Variants in UBAC2 observed in about 807,000 individuals in gnomAD.
The protein encoded by UBAC2 is UBA domain containing 2, also known as ubiquitin-associated domain-containing protein 2.
A neutral mutation model predicts 44.0 loss-of-function variants in UBAC2; 26 were observed. That is an observed-to-expected ratio of 0.59 (90% CI 0.43 to 0.82). The LOEUF is 0.82. UBAC2 is among the 40% of genes least tolerant of loss of function. The probability of loss-of-function intolerance (pLI) is 0.00; values close to 1 mark genes in which losing one functional copy is unlikely to be tolerated. For missense variants in UBAC2, 329 were observed against 419.4 expected, an observed-to-expected ratio of 0.78 and a Z score of 1.88; for synonymous variants, 155 against 154.3, an observed-to-expected ratio of 1.00 and a Z score of -0.04.
intron 1 of UBAC2, chr13:99,215,314 C>T: frequency 1.3e-6 from 1 of 795,258 alleles, no homozygotes; most frequent in Admixed American, 1.7e-5. Flanking sequence ...GCATCACCAA[C>T]ACTGGACAGC....
At chr13:99,384,699 G>GGTCGAGCATGGCAGTGAC (rs1850086601) in intron 8 of UBAC2, among the ~76,000 whole-genome samples, 1 of 152,288 alleles carries the variant, frequency 6.6e-6, no homozygotes, top group Admixed American at 6.5e-5. Flanking sequence ...GCGATGCCAG[G>GGTCGAGCATGGCAGTGAC]GCCGAGCATG....
At chr13:99,319,035 C>T (rs978884338) in intron 6 of UBAC2, among the ~76,000 whole-genome samples, 1 of 151,520 alleles carries the variant, frequency 6.6e-6, no homozygotes, top group African/African-American at 2.4e-5. Context: ...CATTGTCACA[C>T]GAGGGAAAAA....
intron 5 of UBAC2, among the ~76,000 whole-genome samples, chr13:99,315,179 C>T (rs2044471744): frequency 6.6e-6 from 1 of 152,286 alleles, no homozygotes; most frequent in East Asian, 1.9e-4. Flanking sequence ...TTCTCCATCT[C>T]TCAACCCCCG....
At chr13:99,292,973 G>A (rs1170045763) in intron 4 of UBAC2, among the ~76,000 whole-genome samples, 2 of 152,182 alleles carry the variant, frequency 1.3e-5, no homozygotes, top group Non-Finnish European at 2.9e-5. Flanking sequence ...GGAAATAAAT[G>A]TAAAGCTAAC....
At chr13:99,287,372 A>G (rs185399916) in intron 4 of UBAC2, among the ~76,000 whole-genome samples, 198 of 152,166 alleles carry the variant, frequency 1.3e-3, no homozygotes, top group Non-Finnish European at 2.1e-3. Flanking sequence ...CTCTTGTCAC[A>G]TGTGTATCAG....
At chr13:99,333,096 TG>T (rs5806108) in intron 6 of UBAC2, among the ~76,000 whole-genome samples, 2 of 151,634 alleles carry the variant, frequency 1.3e-5, no homozygotes, top group East Asian at 1.9e-4. Context: ...ACCCCGTCTC[TG>T]GGGGGGGAAG....
chr13:99,202,414 G>A (rs2042815532), intron 1 of UBAC2, among the ~76,000 whole-genome samples: 1 of 152,212 alleles, frequency 6.6e-6, no homozygotes, highest in African/African-American at 2.4e-5. Context: ...GGATCACACA[G>A]TGAGCCAGGA....
rs768570401 is a variant in UBAC2 at position 99,352,862 on chromosome 13, G to A, written c.807+12297G>A. Among the ~76,000 whole-genome samples, 3 of 152,212 alleles carry A rather than the reference G, an allele frequency of 2.0e-5. No homozygotes were observed. In the East Asian group the frequency reaches 5.8e-4, roughly 29 times the overall value. On this transcript the variant is annotated intron_variant, in intron 7 of 8. Coordinates refer to ENST00000403766, the MANE Select transcript of UBAC2 (RefSeq NM_001144072.2). Reference sequence around the variant, plus strand: ...AATTGTGTCTGGAGGCAGCACCGTCGGAAACTCTCTACCTCCGTCTCCACC... The same window carrying A: ...AATTGTGTCTGGAGGCAGCACCGTCAGAAACTCTCTACCTCCGTCTCCACC...
At chr13:99,244,053 TC>T (rs2043351626) in intron 3 of UBAC2, 102 bp downstream of exon 3, 3 of 978,066 alleles carry the variant, frequency 3.1e-6, no homozygotes, top group Non-Finnish European at 2.9e-6. Flanking sequence ...TTTACAGTTA[TC>T]TTTTTAATTA....
At chr13:99,338,319 A>C (rs1594142047) in intron 6 of UBAC2, among the ~76,000 whole-genome samples, 1 of 151,916 alleles carries the variant, frequency 6.6e-6, no homozygotes, top group East Asian at 1.9e-4. Context: ...TGGCCTCCCA[A>C]AGTGCAGGGA....
intron 1 of UBAC2, among the ~76,000 whole-genome samples, chr13:99,230,929 G>C (rs1389234730): frequency 6.6e-6 from 1 of 152,058 alleles, no homozygotes. Flanking sequence ...CGTGCCTGTA[G>C]TCCCAGCTAC....
chr13:99,310,064 C>T (rs915038620), intron 4 of UBAC2, among the ~76,000 whole-genome samples: 11 of 152,328 alleles, frequency 7.2e-5, no homozygotes, highest in South Asian at 2.1e-4. Context: ...CAATGGCTCA[C>T]GCCTGTAATC....
intron 4 of UBAC2, among the ~76,000 whole-genome samples, chr13:99,291,386 G>C (rs1422087675): frequency 6.6e-6 from 1 of 152,094 alleles, no homozygotes; most frequent in African/African-American, 2.4e-5. Context: ...TTGTCACCGG[G>C]TCACTTGTAA....
intron 4 of UBAC2, among the ~76,000 whole-genome samples, chr13:99,265,068 T>C (rs1594068196): frequency 6.6e-6 from 1 of 152,126 alleles, no homozygotes; most frequent in Non-Finnish European, 1.5e-5. Context: ...AATCAACCTT[T>C]AGAGGAAGAC....
intron 4 of UBAC2, among the ~76,000 whole-genome samples, chr13:99,262,266 G>A (rs1331326235): frequency 6.6e-6 from 1 of 151,962 alleles, no homozygotes; most frequent in Non-Finnish European, 1.5e-5. Context: ...AGGTATGTAT[G>A]TACAGGAAAA....
In UBAC2 at chr13:99,295,182, T is replaced by C. The variant is rs200669857; in HGVS notation, c.390-18915T>C. ...GATACACTGACTTGCCGTTTCAGCA[T>C]CCTCATAACCTTTCTCTTATACCCT... On this transcript the variant is annotated intron_variant, in intron 4 of 8. Transcript: ENST00000403766. This position sits in a 1 kb window ranked among gnomAD's most constrained non-coding sequence, Gnocchi z 4.1. 6.2e-6 allele frequency: 10 copies of C among 1,614,186 alleles called. No individual in the cohort carries two copies. The highest frequency in any genetic ancestry group is 8.5e-6 in the Non-Finnish European group (10 of 1,180,012).
At chr13:99,316,740 A>C (rs939339711) in intron 5 of UBAC2, among the ~76,000 whole-genome samples, 3 of 152,204 alleles carry the variant, frequency 2.0e-5, no homozygotes, top group African/African-American at 7.2e-5. Context: ...ACAAAATGAT[A>C]CGCTCTTTTT....
intron 6 of UBAC2, among the ~76,000 whole-genome samples, chr13:99,337,649 C>T (rs2044808842): frequency 6.6e-6 from 1 of 152,290 alleles, no homozygotes; most frequent in Admixed American, 6.5e-5. Flanking sequence ...CCCCCATATT[C>T]CCTCTGTTGT....
At chr13:99,252,103 A>G (rs1013572712) in intron 4 of UBAC2, among the ~76,000 whole-genome samples, 1 of 152,228 alleles carries the variant, frequency 6.6e-6, no homozygotes, top group Non-Finnish European at 1.5e-5. Flanking sequence ...ACCACCAGCT[A>G]GTCTCTCAAA....
Sources: gnomAD v4.1 joint callset for allele counts (sites outside exome capture counted in the v4.1 genomes callset) on GRCh38, gnomAD v4.1.1 for gene constraint, Gnocchi (gnomAD v3.1) non-coding constraint, MANE v1.5 for transcripts, NCBI Gene and HGNC (gene_info 2026-07-23, HGNC 2026-07-21) for gene names.